The following CHN2 variants were observed in gnomAD, a reference collection of about 807,000 sequenced individuals.
CHN2 encodes chimerin 2.
A neutral mutation model predicts 56.3 loss-of-function variants in CHN2; 35 were observed. That is an observed-to-expected ratio of 0.62 (90% CI 0.47 to 0.82). The LOEUF (loss-of-function observed/expected upper bound fraction) is 0.82, where lower values mean the gene tolerates loss of function less well. CHN2 is among the 40% of genes least tolerant of loss of function. CHN2 has a pLI of 0.00. For missense variants in CHN2, 491 were observed against 580.5 expected (o/e 0.85, Z 1.58); for synonymous variants, 210 against 212.8 (o/e 0.99, Z 0.12).
At chr7:29,274,323 A>C (rs1206081639) in intron 1 of CHN2, among the ~76,000 whole-genome samples, 1 of 152,208 alleles carries the variant, frequency 6.6e-6, no homozygotes, top group Admixed American at 6.5e-5. Context: ...TGCACAACAC[A>C]TACGTTTTTC....
intron 3 of CHN2, among the ~76,000 whole-genome samples, chr7:29,380,064 A>T (rs1446177561): frequency 6.6e-6 from 1 of 152,320 alleles, no homozygotes; most frequent in South Asian, 2.1e-4. Context: ...ATTGGGTTTT[A>T]ACTCTGAATC....
chr7:29,419,454 C>G (rs1255189282), intron 6 of CHN2, among the ~76,000 whole-genome samples: 1 of 152,056 alleles, frequency 6.6e-6, no homozygotes, highest in African/African-American at 2.4e-5. Flanking sequence ...ACCAAGAGCA[C>G]AGGCAACAAA....
chr7:29,251,559 G>A lies in CHN2; in HGVS notation c.49+56569G>A, dbSNP rs572377551. Among the ~76,000 whole-genome samples the A allele has an allele frequency of 1.4e-4, 22 of 152,298 alleles. No homozygotes were observed. In the South Asian group the frequency reaches 1.7e-3, roughly 11 times the overall value. ...AGGGATGAGATATATATCAAGCACC[G>A]AACATGGTGAGTACTGAATAAATGC... On this transcript the variant is annotated intron_variant, in intron 1 of 12. Transcript: ENST00000222792.
intron 6 of CHN2, among the ~76,000 whole-genome samples, chr7:29,435,864 C>T (rs1485274445): frequency 6.7e-6 from 1 of 149,744 alleles, no homozygotes; most frequent in Non-Finnish European, 1.5e-5. Flanking sequence ...AAATTATGCA[C>T]ACTTCTCTAA....
chr7:29,377,483 A>G (rs1370648454), intron 3 of CHN2, among the ~76,000 whole-genome samples: 1 of 152,244 alleles, frequency 6.6e-6, no homozygotes, highest in Admixed American at 6.5e-5. Flanking sequence ...TCTTGCCTTA[A>G]TGAAAATACT....
At chr7:29,371,592 A>T (rs868258090) in intron 3 of CHN2, among the ~76,000 whole-genome samples, 1 of 152,148 alleles carries the variant, frequency 6.6e-6, no homozygotes, top group African/African-American at 2.4e-5. Flanking sequence ...ACTGTGTGGA[A>T]TGTTGACTCT....
intron 1 of CHN2, among the ~76,000 whole-genome samples, chr7:29,214,868 G>T (rs915269463): frequency 6.6e-6 from 1 of 152,066 alleles, no homozygotes; most frequent in African/African-American, 2.4e-5. Context: ...AAACGTGAGT[G>T]CAGAGTGGAT....
At chr7:29,242,438 T>G (rs1448537140) in intron 1 of CHN2, among the ~76,000 whole-genome samples, 1 of 152,190 alleles carries the variant, frequency 6.6e-6, no homozygotes, top group African/African-American at 2.4e-5. Flanking sequence ...CTGCTGGCTG[T>G]GATGTCAACA....
At chr7:29,488,703 C>G (rs1031321100) in intron 7 of CHN2, among the ~76,000 whole-genome samples, 3 of 152,102 alleles carry the variant, frequency 2.0e-5, no homozygotes, top group African/African-American at 7.2e-5. Flanking sequence ...CCCCCTGACC[C>G]CTGGGGGACA....
At position 29,346,947 on chromosome 7, in the gene CHN2, T is replaced by C. The variant is rs367653659; in HGVS notation, c.50-7678T>C. On this transcript the variant is annotated intron_variant, in intron 1 of 12. Transcript: ENST00000222792. Reference sequence around the variant, plus strand: ...AAAAATGCCTGGAAGAATACAGCCTTCCAGCTGCAGCCATCCAAACGTGTG... The same window carrying C: ...AAAAATGCCTGGAAGAATACAGCCTCCCAGCTGCAGCCATCCAAACGTGTG... Among the ~76,000 whole-genome samples the C allele has an allele frequency of 7.9e-4, 120 of 152,290 alleles. 1 individual carries two copies. Among genetic ancestry groups the C allele is most frequent in the African/African-American group, 2.7e-3 (112 of 41,554 alleles).
chr7:29,488,516 A>T lies in CHN2; in HGVS notation c.655-7436A>T, dbSNP rs560269924. ...GACTTTAGCTCTCTCTTCTGTGAAC[A>T]TAAAGTAGCTAAACAAACAAACAAA... On this transcript the variant is annotated intron_variant, in intron 7 of 12. Transcript: ENST00000222792. Among the ~76,000 whole-genome samples, 9 of 152,204 alleles carry T rather than the reference A, an allele frequency of 5.9e-5. No individual in the cohort carries two copies. The South Asian group carries it at 1.9e-3, about 32-fold the overall frequency.
intron 1 of CHN2, among the ~76,000 whole-genome samples, chr7:29,245,825 G>A (rs1788032899): frequency 6.6e-6 from 1 of 152,124 alleles, no homozygotes; most frequent in Admixed American, 6.5e-5. Flanking sequence ...CAGGCCACTT[G>A]GAACACTTCT....
intron 6 of CHN2, among the ~76,000 whole-genome samples, chr7:29,429,621 G>A (rs1805214002): frequency 6.6e-6 from 1 of 151,634 alleles, no homozygotes; most frequent in Non-Finnish European, 1.5e-5. Context: ...TCAGTTCCCT[G>A]GAATATGTGT....
At chr7:29,413,081 T>C (rs1018672716) in intron 6 of CHN2, among the ~76,000 whole-genome samples, 2 of 152,214 alleles carry the variant, frequency 1.3e-5, no homozygotes, top group Admixed American at 6.5e-5. Context: ...CCGGGTCTTA[T>C]GATGATAGTT....
intron 1 of CHN2, among the ~76,000 whole-genome samples, chr7:29,309,176 T>TTTTTTG (rs781412334): frequency 5.9e-5 from 9 of 152,324 alleles, no homozygotes; most frequent in Non-Finnish European, 1.0e-4. Flanking sequence ...CAAAAGCTTT[T>TTTTTTG]TTTTTGTTTT....
At chr7:29,455,022 C>G (rs750314264) in intron 6 of CHN2, among the ~76,000 whole-genome samples, 1 of 152,098 alleles carries the variant, frequency 6.6e-6, no homozygotes, top group East Asian at 1.9e-4. Context: ...TGGCATGCTG[C>G]TAGTGCTGCT....
chr7:29,241,657 G>A (rs1413332025), intron 1 of CHN2, among the ~76,000 whole-genome samples: 3 of 152,114 alleles, frequency 2.0e-5, no homozygotes, highest in Non-Finnish European at 4.4e-5. Flanking sequence ...CTTAAAGGGT[G>A]AAGGAAAGGG....
chr7:29,427,714 T>C (rs1805019444), intron 6 of CHN2, among the ~76,000 whole-genome samples: 1 of 147,278 alleles, frequency 6.8e-6, no homozygotes, highest in Non-Finnish European at 1.5e-5. Context: ...TGGAGTGCAG[T>C]GGCGCGATCT....
At chr7:29,190,691 T>C (rs1014492090), upstream of CHN2, among the ~76,000 whole-genome samples, 3 of 152,314 alleles carry the variant, frequency 2.0e-5, no homozygotes, top group South Asian at 6.2e-4. Flanking sequence ...GGTAGTATCC[T>C]TACATGACCG....
Sources: allele counts gnomAD v4.1 joint callset (sites outside exome capture counted in the v4.1 genomes callset), GRCh38; gene constraint gnomAD v4.1.1; transcripts MANE v1.5; gene names NCBI Gene and HGNC (gene_info 2026-07-23, HGNC 2026-07-21).